SNX3: variants seen among roughly 807,000 people sequenced by gnomAD.
The protein encoded by SNX3 is sorting nexin 3.
In SNX3, 5 loss-of-function variants were observed where a neutral mutation model predicts 17.7. That is an observed-to-expected ratio of 0.28 (90% confidence interval 0.15 to 0.59). SNX3 has a LOEUF of 0.59. Ranked by LOEUF, SNX3 falls within the 20% of genes least tolerant of loss-of-function variation. The pLI is 0.88. For missense variants in SNX3, 132 were observed against 206.8 expected (o/e 0.64, Z 2.22); for synonymous variants, 91 against 76.5 (o/e 1.19, Z -0.99).
At chr6:108,222,405 G>C (rs1283529412) in intron 2 of SNX3, 4 of 1,242,694 alleles carry the variant, frequency 3.2e-6, no homozygotes, top group Non-Finnish European at 4.2e-6. Flanking sequence ...GAGAAGATCA[G>C]GCATGTAACA....
At chr6:108,212,338 T>C (rs750717237) in intron 3 of SNX3, 84 bp from the exon 4 acceptor site, 5 of 975,650 alleles carry the variant, frequency 5.1e-6, no homozygotes, top group South Asian at 1.5e-5. Context: ...TTGAGAAGCA[T>C]GTATAATTTT....
chr6:108,249,239 A>T (rs1366243481), intron 1 of SNX3, among the ~76,000 whole-genome samples: 1 of 152,078 alleles, frequency 6.6e-6, no homozygotes, highest in African/African-American at 2.4e-5. Context: ...TTAAATGATG[A>T]TACTGTATGA....
chr6:108,217,664 T>C (rs750384193), intron 2 of SNX3, among the ~76,000 whole-genome samples: 3 of 151,802 alleles, frequency 2.0e-5, no homozygotes, highest in Middle Eastern at 3.4e-3. Flanking sequence ...CTGAGGAGAA[T>C]TGCTTGAGCC....
At chr6:108,213,617 A>C (rs944080127) in intron 3 of SNX3, among the ~76,000 whole-genome samples, 14 of 149,368 alleles carry the variant, frequency 9.4e-5, no homozygotes, top group African/African-American at 1.2e-4. Flanking sequence ...GCACCACTGC[A>C]CTCCAGCCTG....
chr6:108,233,655 G>A (rs1297103204), intron 1 of SNX3, among the ~76,000 whole-genome samples: 2 of 152,224 alleles, frequency 1.3e-5, no homozygotes, highest in Non-Finnish European at 2.9e-5. Context: ...AGGCTGAGGT[G>A]GGAGAATCGC....
At chr6:108,230,618 C>T (rs1264921149) in intron 1 of SNX3, among the ~76,000 whole-genome samples, 2 of 152,106 alleles carry the variant, frequency 1.3e-5, no homozygotes, top group African/African-American at 4.8e-5. Flanking sequence ...TAACCCTGGA[C>T]TACTTTAGAC....
intron 1 of SNX3, among the ~76,000 whole-genome samples, chr6:108,244,652 T>G (rs978042545): frequency 3.6e-5 from 5 of 139,494 alleles, no homozygotes; most frequent in South Asian, 2.4e-4. Context: ...AAGGAGTTTT[T>G]TTTTTTTTTT....
intron 1 of SNX3, chr6:108,252,563 C>T (rs1438573915): frequency 3.3e-5 from 5 of 152,204 alleles, no homozygotes; most frequent in African/African-American, 7.2e-5. Context: ...GATCCCATTC[C>T]TATTTAAATA....
intron 1 of SNX3, among the ~76,000 whole-genome samples, chr6:108,259,359 G>C (rs1329745019): frequency 6.6e-6 from 1 of 152,122 alleles, no homozygotes; most frequent in Admixed American, 6.5e-5. Flanking sequence ...TCAGCCTCCC[G>C]AGTAGCTGGG....
chr6:108,241,975 T>C (rs1359927854), intron 1 of SNX3, among the ~76,000 whole-genome samples: 3 of 152,130 alleles, frequency 2.0e-5, no homozygotes, highest in South Asian at 2.1e-4. Flanking sequence ...ATTCAAGGAA[T>C]AGAGAATCTC....
chr6:108,213,670 C>CT (rs1286248102), intron 3 of SNX3, among the ~76,000 whole-genome samples: 1 of 148,298 alleles, frequency 6.7e-6, no homozygotes, highest in Non-Finnish European at 1.5e-5. Flanking sequence ...AAAAAAAAAT[C>CT]TAATATAGTA....
chr6:108,259,094 A>C (rs1184371540), intron 1 of SNX3, among the ~76,000 whole-genome samples: 1 of 152,238 alleles, frequency 6.6e-6, no homozygotes, highest in African/African-American at 2.4e-5. Context: ...AGTTCTTTTT[A>C]GTGAACCATC....
intron 1 of SNX3, among the ~76,000 whole-genome samples, chr6:108,254,301 C>G (rs1400949180): frequency 6.6e-6 from 1 of 150,494 alleles, no homozygotes; most frequent in Non-Finnish European, 1.5e-5. Flanking sequence ...CCTGTCTCTA[C>G]AAATACAAAA....
intron 1 of SNX3, among the ~76,000 whole-genome samples, chr6:108,245,584 C>T (rs767314915): frequency 5.3e-5 from 8 of 152,172 alleles, no homozygotes; most frequent in African/African-American, 9.7e-5. Flanking sequence ...AGTGTAAAAG[C>T]GTTCCTATTT....
chr6:108,251,564 A>G (rs1180173556), intron 1 of SNX3, among the ~76,000 whole-genome samples: 2 of 152,232 alleles, frequency 1.3e-5, no homozygotes, highest in Non-Finnish European at 2.9e-5. Context: ...ATATGATGTT[A>G]GAAGCTGATA....
At chr6:108,224,760 T>C (rs1014409362) in intron 1 of SNX3, among the ~76,000 whole-genome samples, 1 of 152,186 alleles carries the variant, frequency 6.6e-6, no homozygotes, top group African/African-American at 2.4e-5. Context: ...AATTAAATCG[T>C]ACTCAGTAGA....
chr6:108,216,985 A>C (rs894113891), intron 2 of SNX3, among the ~76,000 whole-genome samples: 3 of 152,174 alleles, frequency 2.0e-5, no homozygotes, highest in Non-Finnish European at 4.4e-5. Context: ...GACCTTCTAT[A>C]ACTGAGAAAC....
intron 1 of SNX3, among the ~76,000 whole-genome samples, chr6:108,257,382 T>C (rs1322551153): frequency 6.6e-6 from 1 of 152,022 alleles, no homozygotes; most frequent in Non-Finnish European, 1.5e-5. Flanking sequence ...CCAGGTATAG[T>C]AGTACCCTGT....
At chr6:108,253,048 C>A (rs1216649877) in intron 1 of SNX3, among the ~76,000 whole-genome samples, 2 of 152,128 alleles carry the variant, frequency 1.3e-5, no homozygotes, top group African/African-American at 4.8e-5. Context: ...ATGAAAGCAG[C>A]ATAACATGGT....
Sources: gnomAD v4.1 joint callset for allele counts (sites outside exome capture counted in the v4.1 genomes callset) on GRCh38, gnomAD v4.1.1 for gene constraint, MANE v1.5 for transcripts, NCBI Gene and HGNC (gene_info 2026-07-23, HGNC 2026-07-21) for gene names.